P2RX4: variants seen among roughly 807,000 people sequenced by gnomAD.
P2RX4 encodes the protein purinergic receptor P2X 4, also known as P2X purinoceptor 4.
In P2RX4, 37 loss-of-function variants were observed where a neutral mutation model predicts 48.0. The ratio of observed to expected loss-of-function variants is 0.77; its 90% CI spans 0.59 to 1.01. P2RX4 has a LOEUF of 1.01. Ranked by LOEUF, P2RX4 falls within the 50% of genes least tolerant of loss-of-function variation. The pLI, the probability that P2RX4 is intolerant of heterozygous loss-of-function variation, is 0.00. For missense variants in P2RX4, 501 were observed against 521.4 expected (o/e 0.96, Z 0.38); for synonymous variants, 200 against 199.7 (o/e 1.00, Z -0.01).
chr12:121,216,767 C>A (rs915730142), intron 1 of P2RX4: 24 of 543,754 alleles, frequency 4.4e-5, no homozygotes, highest in Non-Finnish European at 7.0e-5. Context: ...TTGCAGTGAG[C>A]CAAGATCACA....
rs1405726598 is a variant in P2RX4 at position 121,232,815 on chromosome 12, C to T, written c.1044+139C>T. ...TACCTTCTTTCCCTTGGCCCCCAGC[C>T]CTCCTCCCACCTTCCCTTCTCCAAG... On this transcript the variant is annotated intron_variant, in intron 10 of 11. Transcript: ENST00000337233. This position sits in a 1 kb window ranked among gnomAD's most constrained non-coding sequence, Gnocchi z 4.3. 3 of 879,842 alleles carry T rather than the reference C, an allele frequency of 3.4e-6. No individual in the cohort carries two copies. Among genetic ancestry groups the T allele is most frequent in the Non-Finnish European group, 5.7e-6 (3 of 526,986 alleles). 54.5% of individuals were successfully genotyped at this position (879,842 alleles called of 1,614,324 possible).
intron 1 of P2RX4, chr12:121,216,598 A>C: frequency 7.6e-6 from 2 of 261,656 alleles, no homozygotes; most frequent in Non-Finnish European, 1.5e-5. Flanking sequence ...AGGTGGGTGG[A>C]TCACCTGAGG....
chr12:121,228,919 G>C (rs1181628642), intron 7 of P2RX4, 44 bp from the exon 8 acceptor site: 2 of 1,614,100 alleles, frequency 1.2e-6, no homozygotes, highest in Non-Finnish European at 1.7e-6. Flanking sequence ...TCTCGTGCCA[G>C]GTGCTGAGGA....
In P2RX4 at chr12:121,233,593, A is replaced by G; in HGVS notation, c.*44A>G. ...GCTCTCCACAGCCCCATCAAAGAAC[A>G]GAGAGGAGGAGGAGGGAGAAATGGC... is the stretch of plus-strand genomic sequence containing the variant. On this transcript the variant is annotated 3_prime_UTR_variant, in exon 12 of 12. Transcript: ENST00000337233. The G allele has an allele frequency of 6.3e-7, 1 of 1,596,172 alleles. No individual in the cohort carries two copies. The highest frequency in any genetic ancestry group is 8.5e-7 in the Non-Finnish European group (1 of 1,170,376).
intron 1 of P2RX4, chr12:121,215,451 T>G (rs1304512323): frequency 3.1e-5 from 2 of 64,874 alleles, no homozygotes; most frequent in Admixed American, 1.5e-4. Context: ...GGTTTTTTTT[T>G]TTTTTTTTTT....
At chr12:121,219,620 GATAGATA>G (rs1566001890) in intron 2 of P2RX4, among the ~76,000 whole-genome samples, 6,915 of 110,892 alleles carry the variant, frequency 0.062, 195 homozygotes, top group Non-Finnish European at 0.082. Flanking sequence ...TGGATGGATA[GATAGATA>G]GATAGATAGA....
intron 5 of P2RX4, among the ~76,000 whole-genome samples, chr12:121,223,727 T>C (rs1392156432): frequency 6.6e-6 from 1 of 152,142 alleles, no homozygotes; most frequent in Admixed American, 6.6e-5. Context: ...GGGCAGTGTA[T>C]TGTCCGGCTG....
At chr12:121,226,636 T>C (rs1407166411) in intron 5 of P2RX4, among the ~76,000 whole-genome samples, 1 of 152,252 alleles carries the variant, frequency 6.6e-6, no homozygotes, top group African/African-American at 2.4e-5. Flanking sequence ...AATTGTCCAG[T>C]TTAAAATGGT....
In P2RX4 at chr12:121,233,737, G is replaced by A. The variant is rs1437253352; in HGVS notation, c.*188G>A. 9 of 1,402,368 alleles carry A rather than the reference G, an allele frequency of 6.4e-6. No homozygotes were observed. Among genetic ancestry groups the A allele is most frequent in the Non-Finnish European group, 8.6e-6 (9 of 1,050,544 alleles). 86.9% of individuals were successfully genotyped at this position (1,402,368 alleles called of 1,614,324 possible). On this transcript the variant is annotated 3_prime_UTR_variant, in exon 12 of 12. Transcript: ENST00000337233. ...AGGATCTGTTTGCCCACTCGGCCCA[G>A]GAGGTCAGCAGTCTGTTCTTGGCTG...
At chr12:121,224,701 A>T (rs1886868780) in intron 5 of P2RX4, among the ~76,000 whole-genome samples, 1 of 152,118 alleles carries the variant, frequency 6.6e-6, no homozygotes, top group Admixed American at 6.6e-5. Context: ...TCGTGGTTGT[A>T]ATTGGCTGTG....
At position 121,232,261 on chromosome 12, in the gene P2RX4, C is replaced by T. The variant is rs2071271; in HGVS notation, c.885-153C>T. ...CCCGCATCCTCCTGCTTGCACAGCC[C>T]GCCTCAGCCAGGAGAGGCCCCGAGC... On this transcript the variant is annotated intron_variant, in intron 8 of 11. Transcript: ENST00000337233. This position sits in a 1 kb window ranked among gnomAD's most constrained non-coding sequence, Gnocchi z 4.3. The T allele has an allele frequency of 0.29, 183,552 of 624,884 alleles. 27,733 individuals carry two copies. The highest frequency in any genetic ancestry group is 0.38 in the South Asian group (20,269 of 53,096). 38.7% of individuals were successfully genotyped at this position (624,884 alleles called of 1,614,324 possible). A position where few individuals can be genotyped will look rare whatever the true frequency, so the allele number is the denominator to read the frequency against.
At position 121,210,168 on chromosome 12, in the gene P2RX4, G is replaced by A; in HGVS notation, c.4G>A (p.Ala2Thr). Residue 2 changes from alanine (A) to threonine (T), a missense_variant, in exon 1 of 12, where the codon GCG becomes ACG. Transcript: ENST00000337233. Reference sequence around the variant, plus strand: ...ACTGGGAGCGGGCGGCGCGGCCATGGCGGGCTGCTGCGCCGCGCTGGCGGC... The same window carrying A: ...ACTGGGAGCGGGCGGCGCGGCCATGACGGGCTGCTGCGCCGCGCTGGCGGC... Reference protein sequence around the residue: MAGCCAALAAFL... With the variant: MTGCCAALAAFL... 2 of 1,517,282 alleles carry A rather than the reference G, an allele frequency of 1.3e-6. No individual in the cohort carries two copies. Among genetic ancestry groups the A allele is most frequent in the Non-Finnish European group, 1.8e-6 (2 of 1,140,322 alleles). 94.0% of individuals were successfully genotyped at this position (1,517,282 alleles called of 1,614,324 possible). A position where few individuals can be genotyped will look rare whatever the true frequency, so the allele number is the denominator to read the frequency against.
Position 121,213,448 on chromosome 12 carries a change from C to T in P2RX4, c.134+3150C>T, listed in dbSNP as rs993159184. 14 of 152,292 alleles carry T rather than the reference C, an allele frequency of 9.2e-5. 1 individual carries two copies. In the East Asian group the frequency reaches 1.9e-3, roughly 21 times the overall value. The allele number at this position is 152,292 out of a possible 1,614,324, so 9.4% of individuals were successfully genotyped here. A position where few individuals can be genotyped will look rare whatever the true frequency, so the allele number is the denominator to read the frequency against. On this transcript the variant is annotated intron_variant, in intron 1 of 11. Coordinates refer to ENST00000337233, the MANE Select transcript of P2RX4 (RefSeq NM_002560.3). ...TCAAAAAAACAAAGAGTACCACTAT[C>T]ACATGAAAACATTTTTTATTGATGA...
Position 121,232,729 on chromosome 12 carries a change from T to A in P2RX4, c.1044+53T>A. The stretch of plus-strand genomic sequence containing the variant: ...CTCACGGTGAGGTGAGACCCTGGGC[T>A]GGGGTCCTGGTCCTGGCCCTAGGCC... On this transcript the variant is annotated intron_variant, in intron 10 of 11. Coordinates refer to ENST00000337233, the MANE Select transcript of P2RX4 (RefSeq NM_002560.3). This position sits in a 1 kb window ranked among gnomAD's most constrained non-coding sequence, Gnocchi z 4.3. 6.9e-7 allele frequency: 1 copy of A among 1,452,312 alleles called. No homozygotes were observed. Among genetic ancestry groups the A allele is most frequent in the Non-Finnish European group, 9.7e-7 (1 of 1,033,320 alleles). 90.0% of individuals were successfully genotyped at this position (1,452,312 alleles called of 1,614,324 possible). A position where few individuals can be genotyped will look rare whatever the true frequency, so the allele number is the denominator to read the frequency against.
At chr12:121,221,617 A>T (rs1886614819) in intron 2 of P2RX4, among the ~76,000 whole-genome samples, 1 of 141,256 alleles carries the variant, frequency 7.1e-6, no homozygotes, top group Non-Finnish European at 1.5e-5. Flanking sequence ...CTGGTCTTGA[A>T]CTCCTGACCT....
chr12:121,219,615 GGATAGATAGATAGATAGATAGATA>G (rs60447163), intron 2 of P2RX4, among the ~76,000 whole-genome samples: 346 of 140,626 alleles, frequency 2.5e-3, no homozygotes, highest in African/African-American at 4.9e-3. Context: ...ATGGATGGAT[GGATAGATAGATAGATAGATAGATA>G]GATAGATAGA....
rs1457922178 is a variant in P2RX4, at chr12:121,233,605, G to A, written c.*56G>A. On this transcript the variant is annotated 3_prime_UTR_variant, in exon 12 of 12. Coordinates refer to ENST00000337233, the MANE Select transcript of P2RX4 (RefSeq NM_002560.3). Reference sequence around the variant, plus strand: ...CCCATCAAAGAACAGAGAGGAGGAGGAGGGAGAAATGGCCACCACATCACC... The same window carrying A: ...CCCATCAAAGAACAGAGAGGAGGAGAAGGGAGAAATGGCCACCACATCACC... 1.9e-6 allele frequency: 3 copies of A among 1,586,750 alleles called. No individual in the cohort carries two copies. Among genetic ancestry groups the A allele is most frequent in the East Asian group, 2.3e-5 (1 of 44,010 alleles).
intron 1 of P2RX4, among the ~76,000 whole-genome samples, chr12:121,210,818 C>G (rs1462680106): frequency 6.6e-6 from 1 of 152,204 alleles, no homozygotes; most frequent in Non-Finnish European, 1.5e-5. Context: ...TAGGCTGTTA[C>G]CCTCTCCTGC....
At chr12:121,211,981 CCA>C (rs1247892830) in intron 1 of P2RX4, among the ~76,000 whole-genome samples, 1 of 152,210 alleles carries the variant, frequency 6.6e-6, no homozygotes, top group Non-Finnish European at 1.5e-5. Flanking sequence ...AGACGCATCC[CCA>C]GACCTTCTGA....
Sources: gnomAD v4.1 joint callset for allele counts (sites outside exome capture counted in the v4.1 genomes callset) on GRCh38, gnomAD v4.1.1 for gene constraint, Gnocchi (gnomAD v3.1) non-coding constraint, MANE v1.5 for transcripts, NCBI Gene and HGNC (gene_info 2026-07-23, HGNC 2026-07-21) for gene names.